The following FCHSD2 variants were observed in gnomAD, a reference collection of about 807,000 sequenced individuals.
FCHSD2 encodes the protein F-BAR and double SH3 domains protein 2.
Under a neutral mutation model 108.1 loss-of-function variants are expected in FCHSD2, and 38 were observed. That is an observed-to-expected ratio of 0.35 (90% CI 0.27 to 0.46). The LOEUF is 0.46. Among genes scored for constraint, FCHSD2 ranks in the 20% least tolerant of loss-of-function variants. FCHSD2 has a pLI of 1.00. For synonymous variants in FCHSD2, 279 were observed against 314.7 expected, an observed-to-expected ratio of 0.89 and a Z score of 1.20; for missense variants, 751 against 897.8, an observed-to-expected ratio of 0.84 and a Z score of 2.09.
chr11:73,075,471 G>A (rs1859527815), intron 3 of FCHSD2, among the ~76,000 whole-genome samples: 1 of 151,554 alleles, frequency 6.6e-6, no homozygotes, highest in Non-Finnish European at 1.5e-5. Context: ...GAACCTTCAT[G>A]CATTGCAAAA....
At chr11:73,014,234 C>A (rs552075437) in intron 4 of FCHSD2, among the ~76,000 whole-genome samples, 1 of 147,820 alleles carries the variant, frequency 6.8e-6, no homozygotes, top group African/African-American at 2.5e-5. Context: ...TGGGCTCAAG[C>A]GATCGTCCTG....
chr11:72,891,640 G>A (rs1309856726), intron 10 of FCHSD2, among the ~76,000 whole-genome samples: 6 of 152,232 alleles, frequency 3.9e-5, no homozygotes, highest in Non-Finnish European at 8.8e-5. Context: ...AATGTGATCT[G>A]TAAAAGTAGA....
At chr11:72,852,854 C>G (rs1861326642) in intron 13 of FCHSD2, among the ~76,000 whole-genome samples, 1 of 152,150 alleles carries the variant, frequency 6.6e-6, no homozygotes, top group African/African-American at 2.4e-5. Context: ...ATGGATGGAA[C>G]TGGAGCCCAT....
chr11:73,093,419 C>G (rs1404671542), intron 2 of FCHSD2, among the ~76,000 whole-genome samples: 2 of 152,044 alleles, frequency 1.3e-5, no homozygotes, highest in Non-Finnish European at 2.9e-5. Context: ...TTGGAGACCT[C>G]CAACCTTGAA....
At chr11:72,973,069 A>C (rs1857036466) in intron 8 of FCHSD2, among the ~76,000 whole-genome samples, 1 of 152,206 alleles carries the variant, frequency 6.6e-6, no homozygotes, top group Non-Finnish European at 1.5e-5. Context: ...ATTTCCATTA[A>C]GAAAATGGGT....
chr11:72,923,942 AAAATAAAT>A (rs1213587129), intron 8 of FCHSD2, among the ~76,000 whole-genome samples: 1 of 152,046 alleles, frequency 6.6e-6, no homozygotes, highest in Non-Finnish European at 1.5e-5. Context: ...TCAGTCTCAG[AAAATAAAT>A]AAATAAATAA....
chr11:73,081,727 TA>T (rs1259695164), intron 3 of FCHSD2, among the ~76,000 whole-genome samples: 1 of 152,078 alleles, frequency 6.6e-6, no homozygotes, highest in Non-Finnish European at 1.5e-5. Flanking sequence ...CTCAATTTTA[TA>T]AATATATATG....
chr11:73,098,587 T>C (rs1860145200), intron 2 of FCHSD2, among the ~76,000 whole-genome samples: 1 of 151,886 alleles, frequency 6.6e-6, no homozygotes, highest in African/African-American at 2.4e-5. Context: ...TTAGTTGGAA[T>C]AGAATTGATA....
intron 10 of FCHSD2, among the ~76,000 whole-genome samples, chr11:72,897,122 C>T (rs937712901): frequency 6.6e-6 from 1 of 152,086 alleles, no homozygotes; most frequent in Non-Finnish European, 1.5e-5. Flanking sequence ...CGTGAGCCAC[C>T]ACGCCCGGCC....
chr11:72,888,427 G>T (rs1021582876), intron 11 of FCHSD2, among the ~76,000 whole-genome samples: 3 of 152,108 alleles, frequency 2.0e-5, no homozygotes, highest in African/African-American at 7.2e-5. Context: ...AATGTAATGG[G>T]CTAAAAAGTA....
chr11:72,953,893 TG>T (rs889282378), intron 8 of FCHSD2, among the ~76,000 whole-genome samples: 23 of 151,994 alleles, frequency 1.5e-4, no homozygotes, highest in African/African-American at 5.6e-4. Context: ...ATGTGCTTGG[TG>T]TGGAATAGTA....
At chr11:72,987,252 AT>A (rs767584355) in intron 6 of FCHSD2, among the ~76,000 whole-genome samples, 2 of 152,146 alleles carry the variant, frequency 1.3e-5, no homozygotes, top group Non-Finnish European at 2.9e-5. Flanking sequence ...TACTTAGAAA[AT>A]TTATACTCAT....
At chr11:72,887,700 T>C (rs1389595641) in intron 11 of FCHSD2, 126 bp from the exon 12 acceptor site, 1 of 578,838 alleles carries the variant, frequency 1.7e-6, no homozygotes, top group African/African-American at 2.0e-5. Context: ...TTCATTTATT[T>C]ATTTTTTGAA....
intron 3 of FCHSD2, among the ~76,000 whole-genome samples, chr11:73,050,564 T>C (rs1029415287): frequency 1.3e-5 from 2 of 152,006 alleles, no homozygotes; most frequent in Non-Finnish European, 2.9e-5. Flanking sequence ...AAAATAGACA[T>C]AGGAACCCAG....
At chr11:72,976,157 C>A (rs551833617) in intron 8 of FCHSD2, among the ~76,000 whole-genome samples, 1 of 152,288 alleles carries the variant, frequency 6.6e-6, no homozygotes, top group Non-Finnish European at 1.5e-5. Flanking sequence ...TTAAAGAAAT[C>A]TGCCTAATAA....
At chr11:73,096,987 A>AATTTTTTTTTTTTTTTTTTTTTT (rs1860095700) in intron 2 of FCHSD2, among the ~76,000 whole-genome samples, 1 of 27,020 alleles carries the variant, frequency 3.7e-5, no homozygotes, top group African/African-American at 2.0e-4. Flanking sequence ...TCATTGATGG[A>AATTTTTTTTTTTTTTTTTTTTTT]TTTTTTTTTT....
intron 2 of FCHSD2, among the ~76,000 whole-genome samples, chr11:73,129,224 G>C (rs1287850536): frequency 6.6e-6 from 1 of 152,138 alleles, no homozygotes; most frequent in Non-Finnish European, 1.5e-5. Context: ...ATTACAGCTG[G>C]GCGCCATAAT....
chr11:73,119,621 T>C (rs574719295), intron 2 of FCHSD2, among the ~76,000 whole-genome samples: 5 of 152,078 alleles, frequency 3.3e-5, no homozygotes, highest in Admixed American at 1.3e-4. Context: ...TAATTTTTTT[T>C]ATTTTTTTGT....
At chr11:73,001,189 G>A in intron 4 of FCHSD2, 55 bp from the exon 5 acceptor site, 1 of 1,550,554 alleles carries the variant, frequency 6.4e-7, no homozygotes. Flanking sequence ...AGAAAAAGTT[G>A]GCTAACCTTT....
Sources: allele counts gnomAD v4.1 joint callset (sites outside exome capture counted in the v4.1 genomes callset), GRCh38; gene constraint gnomAD v4.1.1; transcripts MANE v1.5; gene names NCBI Gene and HGNC (gene_info 2026-07-23, HGNC 2026-07-21).